The following CSMD1 variants were observed in gnomAD, a reference collection of about 807,000 sequenced individuals.
CSMD1 encodes CUB and sushi domain-containing protein 1.
A neutral mutation model predicts 417.5 loss-of-function variants in CSMD1; 213 were observed. The ratio of observed to expected loss-of-function variants is 0.51; its 90% CI spans 0.46 to 0.57. The LOEUF (loss-of-function observed/expected upper bound fraction) is 0.57, where lower values mean the gene tolerates loss of function less well. CSMD1 is among the 20% of genes least tolerant of loss of function. The pLI is 0.00. For synonymous variants in CSMD1, 2,862 were observed against 1,736.8 expected, an observed-to-expected ratio of 1.65 and a Z score of -16.11; for missense variants, 6,923 against 4,529.7, an observed-to-expected ratio of 1.53 and a Z score of -15.17.
chr8:3,019,586 G>C (rs1401421180), intron 51 of CSMD1, among the ~76,000 whole-genome samples: 1 of 152,168 alleles, frequency 6.6e-6, no homozygotes, highest in African/African-American at 2.4e-5. Context: ...AGGGCATTTG[G>C]AGGCTTTCCA....
intron 2 of CSMD1, among the ~76,000 whole-genome samples, chr8:4,430,679 G>A (rs1039009071): frequency 6.6e-6 from 1 of 151,958 alleles, no homozygotes; most frequent in Non-Finnish European, 1.5e-5. Flanking sequence ...TAATTACAGT[G>A]TCTGTAATAG....
At chr8:3,613,113 T>C (rs1801970528) in intron 8 of CSMD1, among the ~76,000 whole-genome samples, 1 of 151,968 alleles carries the variant, frequency 6.6e-6, no homozygotes, top group African/African-American at 2.4e-5. Context: ...ATTTAAAGGA[T>C]AATAAAGAAA....
At chr8:3,987,559 A>C (rs1221247566) in intron 5 of CSMD1, among the ~76,000 whole-genome samples, 1 of 152,200 alleles carries the variant, frequency 6.6e-6, no homozygotes, top group East Asian at 1.9e-4. Context: ...GCAGCTACGA[A>C]GGGGAGGAAC....
At chr8:4,914,155 A>G (rs1000213213) in intron 1 of CSMD1, among the ~76,000 whole-genome samples, 1 of 152,228 alleles carries the variant, frequency 6.6e-6, no homozygotes, top group African/African-American at 2.4e-5. Context: ...AAGTGCATAT[A>G]AAGTTAAAGA....
chr8:3,266,977 A>G (rs968853268), intron 26 of CSMD1, among the ~76,000 whole-genome samples: 2 of 152,156 alleles, frequency 1.3e-5, no homozygotes, highest in Non-Finnish European at 2.9e-5. Flanking sequence ...CTAAAAGGAG[A>G]AGACAAACAA....
At chr8:4,888,418 A>C (rs1329993503) in intron 1 of CSMD1, among the ~76,000 whole-genome samples, 1 of 151,912 alleles carries the variant, frequency 6.6e-6, no homozygotes, top group Admixed American at 6.6e-5. Context: ...TTTCATTCAA[A>C]ACTGTCACAC....
chr8:3,106,513 T>C lies in CSMD1; in HGVS notation c.6949+15A>G, dbSNP rs1393217627. On this transcript the variant is annotated intron_variant, in intron 46 of 69. Transcript: ENST00000635120. Reference sequence around the variant, plus strand: ...TGAATAAGTTTATGTAGTTTTAGTATCGAACAGTGCATACCTTCACATGTT... The same window carrying C: ...TGAATAAGTTTATGTAGTTTTAGTACCGAACAGTGCATACCTTCACATGTT... 10 of 1,526,524 alleles carry C rather than the reference T, an allele frequency of 6.6e-6. No homozygotes were observed. The Admixed American group carries it at 8.5e-5, about 13-fold the overall frequency. 94.6% of individuals were successfully genotyped at this position (1,526,524 alleles called of 1,614,324 possible).
chr8:3,772,417 A>C (rs1362100077), intron 5 of CSMD1, among the ~76,000 whole-genome samples: 1 of 120,444 alleles, frequency 8.3e-6, no homozygotes, highest in Non-Finnish European at 1.7e-5. Flanking sequence ...ATATATTTAT[A>C]TATACACATA....
intron 1 of CSMD1, among the ~76,000 whole-genome samples, chr8:4,722,883 C>T (rs1676979): frequency 0.9 from 136,238 of 152,186 alleles, 61,261 homozygotes; most frequent in East Asian, 0.99. Flanking sequence ...GATTTCTCCT[C>T]TGTGAAATAC....
intron 3 of CSMD1, among the ~76,000 whole-genome samples, chr8:4,111,396 G>C (rs975558372): frequency 2.0e-5 from 3 of 152,100 alleles, no homozygotes; most frequent in Non-Finnish European, 4.4e-5. Flanking sequence ...TATTAAAAAA[G>C]TATGTATCTT....
At chr8:4,865,835 C>T (rs1802395265) in intron 1 of CSMD1, among the ~76,000 whole-genome samples, 1 of 151,782 alleles carries the variant, frequency 6.6e-6, no homozygotes, top group African/African-American at 2.4e-5. Context: ...AATCTTCTTT[C>T]TTATGCATTT....
intron 11 of CSMD1, among the ~76,000 whole-genome samples, chr8:3,471,280 G>T: frequency 6.6e-6 from 1 of 152,074 alleles, no homozygotes; most frequent in East Asian, 1.9e-4. Flanking sequence ...ACGTCTTCTT[G>T]AATGAGAGGT....
chr8:3,928,471 G>A (rs537794595), intron 5 of CSMD1, among the ~76,000 whole-genome samples: 13 of 152,128 alleles, frequency 8.5e-5, no homozygotes, highest in African/African-American at 2.9e-4. Context: ...TCTTTTTGTA[G>A]AAATAAAAAT....
chr8:3,411,835 CACGTATATATGCACGTATATAT>C (rs1812751850), intron 12 of CSMD1, among the ~76,000 whole-genome samples: 1 of 73,722 alleles, frequency 1.4e-5, no homozygotes, highest in Non-Finnish European at 2.9e-5. Context: ...TGTATATATG[CACGTATATATGCACGTATATAT>C]GCACGTATAT....
intron 7 of CSMD1, among the ~76,000 whole-genome samples, chr8:3,671,073 ATATATACATATAAG>A (rs1297433999): frequency 7.3e-6 from 1 of 137,300 alleles, no homozygotes; most frequent in African/African-American, 2.5e-5. Flanking sequence ...TGTATATGGG[ATATATACATATAAG>A]GGATATATAT....
intron 5 of CSMD1, among the ~76,000 whole-genome samples, chr8:3,945,660 T>G (rs1280826803): frequency 6.6e-6 from 1 of 152,118 alleles, no homozygotes; most frequent in Non-Finnish European, 1.5e-5. Flanking sequence ...TGTATTATTT[T>G]ACTTAGGTGA....
At chr8:4,283,740 G>A (rs1056867413) in intron 3 of CSMD1, among the ~76,000 whole-genome samples, 2 of 151,764 alleles carry the variant, frequency 1.3e-5, no homozygotes, top group Non-Finnish European at 2.9e-5. Context: ...AGGAATGCAT[G>A]AGTGTTTTAT....
chr8:4,537,817 G>A (rs1181637750), intron 2 of CSMD1, among the ~76,000 whole-genome samples: 1 of 152,150 alleles, frequency 6.6e-6, no homozygotes, highest in African/African-American at 2.4e-5. Flanking sequence ...TTATCCAACA[G>A]AGCTGCGTAA....
chr8:4,024,579 A>C (rs190937393), intron 4 of CSMD1, among the ~76,000 whole-genome samples: 80 of 152,278 alleles, frequency 5.3e-4, no homozygotes, highest in Admixed American at 1.4e-3. Context: ...CTTATTACAG[A>C]AATAATCATA....
Sources: allele counts gnomAD v4.1 joint callset (sites outside exome capture counted in the v4.1 genomes callset), GRCh38; gene constraint gnomAD v4.1.1; transcripts MANE v1.5; gene names NCBI Gene and HGNC (gene_info 2026-07-23, HGNC 2026-07-21).